SNX29: variants seen among roughly 807,000 people sequenced by gnomAD.
SNX29 encodes sorting nexin-29.
In SNX29, 78 loss-of-function variants were observed where a neutral mutation model predicts 102.1. The ratio of observed to expected loss-of-function variants is 0.76; its 90% CI spans 0.64 to 0.92. The LOEUF is 0.92. SNX29 is among the 40% of genes least tolerant of loss of function. The pLI, the probability that SNX29 is intolerant of heterozygous loss-of-function variation, is 0.00. For missense variants in SNX29, 1,280 were observed against 1,061.7 expected (o/e 1.21, Z -2.86); for synonymous variants, 580 against 414.5 (o/e 1.40, Z -4.85).
intron 15 of SNX29, among the ~76,000 whole-genome samples, chr16:12,318,494 G>A (rs1019006726): frequency 2.0e-5 from 3 of 152,176 alleles, no homozygotes; most frequent in Non-Finnish European, 4.4e-5. Flanking sequence ...GCAGAACCCG[G>A]CAGCTTCATT....
Position 12,572,508 on chromosome 16 carries a change from G to A in SNX29, c.*3879G>A. On this transcript the variant is annotated 3_prime_UTR_variant, in exon 21 of 21. Coordinates refer to ENST00000566228, the MANE Select transcript of SNX29 (RefSeq NM_032167.5). ...TGGGGTTCCAGGCCTCGGCCTTCCT[G>A]CTCCACGTGCTCAAGCCCCCACAGG... 1 of 1,063,842 alleles carries A rather than the reference G, an allele frequency of 9.4e-7. No homozygotes were observed. Among genetic ancestry groups the A allele is most frequent in the Non-Finnish European group, 1.1e-6 (1 of 878,328 alleles). The allele number at this position is 1,063,842 out of a possible 1,614,324, so 65.9% of individuals were successfully genotyped here. A position where few individuals can be genotyped will look rare whatever the true frequency, so the allele number is the denominator to read the frequency against.
At position 12,395,006 on chromosome 16, in the gene SNX29, C is replaced by T. The variant is rs2151481942; in HGVS notation, c.1900-3440C>T. ...GTTCCCTGTTCATCTTTACCACCGCCTTACCTGGGGGTGTGGTAATTTTTT... is the reference window on the plus strand; with the variant it reads ...GTTCCCTGTTCATCTTTACCACCGCTTTACCTGGGGGTGTGGTAATTTTTT... On this transcript the variant is annotated intron_variant, in intron 16 of 20. Transcript: ENST00000566228. Among the ~76,000 whole-genome samples the T allele has an allele frequency of 2.0e-5, 3 of 152,288 alleles. No homozygotes were observed. In the South Asian group the frequency reaches 6.2e-4, roughly 32 times the overall value.
At chr16:12,532,816 C>T (rs2076967841) in intron 20 of SNX29, among the ~76,000 whole-genome samples, 1 of 152,162 alleles carries the variant, frequency 6.6e-6, no homozygotes, top group African/African-American at 2.4e-5. Context: ...CTGAAGACAG[C>T]CTGGTCAGCC....
At position 12,568,675 on chromosome 16, in the gene SNX29, C is replaced by A. The variant is rs377679412; in HGVS notation, c.*46C>A. 2 of 1,587,486 alleles carry A rather than the reference C, an allele frequency of 1.3e-6. No homozygotes were observed. Among genetic ancestry groups the A allele is most frequent in the Middle Eastern group, 1.7e-4 (1 of 6,000 alleles). On this transcript the variant is annotated 3_prime_UTR_variant, in exon 21 of 21. Coordinates refer to ENST00000566228, the MANE Select transcript of SNX29 (RefSeq NM_032167.5). ...CGGGCCCTGTGCGTGGCACCAGCTG[C>A]GTCCACCCCAGCCACTGCCGCTGGC...
chr16:12,326,025 T>G lies in SNX29; in HGVS notation c.1783-30138T>G, dbSNP rs528578455. On this transcript the variant is annotated intron_variant, in intron 15 of 20. Transcript: ENST00000566228. ...GCCTGGGCACCAGAGGGAGACCCTG[T>G]CTTTTTTTCTTGTTTTTTGAGATGG... Among the ~76,000 whole-genome samples, 4 of 151,792 alleles carry G rather than the reference T, an allele frequency of 2.6e-5. No homozygotes were observed. In the South Asian group the frequency reaches 8.4e-4, roughly 32 times the overall value.
At chr16:12,102,747 G>C (rs927136286) in intron 11 of SNX29, among the ~76,000 whole-genome samples, 4 of 152,228 alleles carry the variant, frequency 2.6e-5, no homozygotes, top group African/African-American at 9.6e-5. Context: ...AGGGTATTCA[G>C]ATAGGAAGAG....
intron 16 of SNX29, among the ~76,000 whole-genome samples, chr16:12,378,044 C>A (rs979025578): frequency 6.6e-6 from 1 of 152,164 alleles, no homozygotes; most frequent in Admixed American, 6.5e-5. Flanking sequence ...CCAGTACAAA[C>A]TGGCCTCTGC....
chr16:12,222,040 AAGT>A (rs375684169), intron 14 of SNX29, among the ~76,000 whole-genome samples: 187 of 152,326 alleles, frequency 1.2e-3, no homozygotes, highest in African/African-American at 4.3e-3. Flanking sequence ...GCTAAAATTT[AAGT>A]AGTGCTAACT....
Position 12,574,024 on chromosome 16 carries a change from A to G in SNX29, c.*5395A>G, listed in dbSNP as rs191184959. Reference sequence around the variant, plus strand: ...ACCCCCTTAAGGGTAAGCAGGCCACATATCTAGAGTCTGATAGTCTGTGTG... The same window carrying G: ...ACCCCCTTAAGGGTAAGCAGGCCACGTATCTAGAGTCTGATAGTCTGTGTG... On this transcript the variant is annotated 3_prime_UTR_variant, in exon 21 of 21. Transcript: ENST00000566228. 27 of 195,414 alleles carry G rather than the reference A, an allele frequency of 1.4e-4. No homozygotes were observed. The highest frequency in any genetic ancestry group is 1.8e-4 in the Admixed American group (3 of 16,420). 12.1% of individuals were successfully genotyped at this position (195,414 alleles called of 1,614,324 possible).
At chr16:12,513,755 G>A (rs2089739646) in intron 19 of SNX29, among the ~76,000 whole-genome samples, 1 of 152,202 alleles carries the variant, frequency 6.6e-6, no homozygotes, top group South Asian at 2.1e-4. Flanking sequence ...ATCAGGGGAG[G>A]CCACTTCGTG....
At chr16:12,144,562 C>G (rs1405478627) in intron 13 of SNX29, among the ~76,000 whole-genome samples, 1 of 152,198 alleles carries the variant, frequency 6.6e-6, no homozygotes, top group Non-Finnish European at 1.5e-5. Context: ...GCCTTCTGAC[C>G]TATGATGACG....
intron 4 of SNX29, among the ~76,000 whole-genome samples, chr16:12,038,553 G>A (rs1203477057): frequency 2.0e-5 from 3 of 152,186 alleles, no homozygotes; most frequent in African/African-American, 4.8e-5. Flanking sequence ...TACGGACACC[G>A]CAGGCGCTAA....
intron 14 of SNX29, among the ~76,000 whole-genome samples, chr16:12,250,881 T>TC (rs539033739): frequency 2.0e-3 from 307 of 152,194 alleles, no homozygotes; most frequent in African/African-American, 7.1e-3. Context: ...TCGCCTGAAG[T>TC]CCCCCTGGGC....
intron 18 of SNX29, among the ~76,000 whole-genome samples, chr16:12,424,741 G>A (rs1455841161): frequency 1.3e-5 from 2 of 152,160 alleles, no homozygotes; most frequent in Non-Finnish European, 2.9e-5. Context: ...GTAACAGACA[G>A]TATCTTCTCC....
chr16:12,171,687 G>A (rs2076152914), intron 13 of SNX29, among the ~76,000 whole-genome samples: 1 of 152,276 alleles, frequency 6.6e-6, no homozygotes, highest in African/African-American at 2.4e-5. Context: ...GGGAACTGAA[G>A]AGTAGATGGA....
intron 20 of SNX29, among the ~76,000 whole-genome samples, chr16:12,552,506 A>C (rs1182592232): frequency 6.6e-6 from 1 of 152,202 alleles, no homozygotes; most frequent in Non-Finnish European, 1.5e-5. Flanking sequence ...GCTCAAAAAT[A>C]GCCTGCCAAA....
At chr16:12,490,985 CT>C (rs1339153206) in intron 19 of SNX29, among the ~76,000 whole-genome samples, 1 of 152,222 alleles carries the variant, frequency 6.6e-6, no homozygotes, top group African/African-American at 2.4e-5. Flanking sequence ...AGAGGGTTTT[CT>C]TTTTACAGCT....
intron 11 of SNX29, among the ~76,000 whole-genome samples, chr16:12,114,242 A>T (rs1440030314): frequency 6.6e-6 from 1 of 152,212 alleles, no homozygotes; most frequent in Non-Finnish European, 1.5e-5. Context: ...TAACTCCAGC[A>T]TCCAGAGGTA....
chr16:12,164,088 C>T (rs977212358), intron 13 of SNX29, among the ~76,000 whole-genome samples: 1 of 151,834 alleles, frequency 6.6e-6, no homozygotes, highest in Non-Finnish European at 1.5e-5. Context: ...TTTGGAGGTG[C>T]GGTGTGTGTG....
Sources: allele counts gnomAD v4.1 joint callset (sites outside exome capture counted in the v4.1 genomes callset), GRCh38; gene constraint gnomAD v4.1.1; transcripts MANE v1.5; gene names NCBI Gene and HGNC (gene_info 2026-07-23, HGNC 2026-07-21).